Variants in CACNA2D3 observed in about 807,000 individuals in gnomAD.
CACNA2D3 encodes the protein voltage-dependent calcium channel subunit alpha-2/delta-3.
In CACNA2D3, 60 loss-of-function variants were observed where a neutral mutation model predicts 160.6. The ratio of observed to expected loss-of-function variants is 0.37; its 90% CI spans 0.30 to 0.46. The LOEUF is 0.46. CACNA2D3 is among the 20% of genes least tolerant of loss of function. The pLI is 1.00. For synonymous variants in CACNA2D3, 558 were observed against 492.9 expected, an observed-to-expected ratio of 1.13 and a Z score of -1.75; for missense variants, 1,205 against 1,365.0, an observed-to-expected ratio of 0.88 and a Z score of 1.85.
chr3:54,808,956 A>G (rs1340817543), intron 13 of CACNA2D3, among the ~76,000 whole-genome samples: 1 of 152,116 alleles, frequency 6.6e-6, no homozygotes, highest in African/African-American at 2.4e-5. Flanking sequence ...AAAACAGCAA[A>G]CTGTTATGGG....
intron 2 of CACNA2D3, among the ~76,000 whole-genome samples, chr3:54,174,099 C>T (rs1412643549): frequency 6.6e-6 from 1 of 152,178 alleles, no homozygotes; most frequent in African/African-American, 2.4e-5. Context: ...TGTAGCACGA[C>T]AGCAGCCAGA....
intron 13 of CACNA2D3, among the ~76,000 whole-genome samples, chr3:54,804,639 C>T (rs1482542963): frequency 1.3e-5 from 2 of 152,122 alleles, no homozygotes; most frequent in Non-Finnish European, 2.9e-5. Context: ...TTAGACAGAT[C>T]AACGAGACAG....
chr3:54,869,067 G>A (rs1699466817), intron 17 of CACNA2D3, among the ~76,000 whole-genome samples: 1 of 152,212 alleles, frequency 6.6e-6, no homozygotes, highest in African/African-American at 2.4e-5. Flanking sequence ...GATGTGAGTG[G>A]TGTGACACGG....
chr3:55,008,441 A>G (rs1033194914), intron 33 of CACNA2D3, among the ~76,000 whole-genome samples: 3 of 152,202 alleles, frequency 2.0e-5, no homozygotes, highest in Admixed American at 6.5e-5. Context: ...GAAGAATTAC[A>G]TAGATGAACA....
chr3:54,700,421 A>C (rs1700747202), intron 11 of CACNA2D3, among the ~76,000 whole-genome samples: 1 of 152,218 alleles, frequency 6.6e-6, no homozygotes, highest in African/African-American at 2.4e-5. Context: ...ATTAAACCAA[A>C]TTAAAAATTC....
At chr3:54,720,229 G>A (rs1701144405) in intron 11 of CACNA2D3, among the ~76,000 whole-genome samples, 1 of 151,830 alleles carries the variant, frequency 6.6e-6, no homozygotes. Context: ...TTGGTTTCCA[G>A]CCTTACTTTT....
intron 17 of CACNA2D3, among the ~76,000 whole-genome samples, chr3:54,857,551 G>T (rs2106794156): frequency 6.6e-6 from 1 of 152,262 alleles, no homozygotes; most frequent in Middle Eastern, 3.4e-3. Flanking sequence ...TGCCACAGTT[G>T]CCCGTAGTGG....
Position 54,371,824 on chromosome 3 carries a change from A to C in CACNA2D3, c.322-14891A>C, listed in dbSNP as rs1379642573. On this transcript the variant is annotated intron_variant, in intron 3 of 37. Coordinates refer to ENST00000474759, the MANE Select transcript of CACNA2D3 (RefSeq NM_018398.3). ...TGATATCTTCAATTTTGAAGTCAAG[A>C]AATCTCCAAAAGTTGAAAGGTTTTT... 5.3e-5 allele frequency among the ~76,000 whole-genome samples: 8 copies of C among 152,350 alleles called. No homozygotes were observed. In the East Asian group the frequency reaches 1.3e-3, roughly 26 times the overall value.
chr3:55,008,303 A>G (rs62256164), intron 33 of CACNA2D3, among the ~76,000 whole-genome samples: 3,196 of 152,270 alleles, frequency 0.021, 50 homozygotes, highest in Non-Finnish European at 0.033. Flanking sequence ...CTGTCAAACT[A>G]TGGTCTTGTT....
chr3:54,907,637 A>G (rs2106903093), intron 27 of CACNA2D3, among the ~76,000 whole-genome samples: 1 of 152,142 alleles, frequency 6.6e-6, no homozygotes, highest in African/African-American at 2.4e-5. Flanking sequence ...TTTTCTGAAA[A>G]CTTGCATATC....
In CACNA2D3 at chr3:54,919,194, C is replaced by T. The variant is rs113716368; in HGVS notation, c.2449+19326C>T. On this transcript the variant is annotated intron_variant, in intron 27 of 37. Transcript: ENST00000474759. ...CAATGCAAAAGCTGACAAGAAGGCACGCTGGGGGCCGATGGTGAGGGCACA... is the reference window on the plus strand; with the variant it reads ...CAATGCAAAAGCTGACAAGAAGGCATGCTGGGGGCCGATGGTGAGGGCACA... Among the ~76,000 whole-genome samples the T allele has an allele frequency of 2.9e-3, 449 of 152,332 alleles. 1 individual carries two copies. The highest frequency in any genetic ancestry group is 0.01 in the African/African-American group (435 of 41,582).
chr3:54,514,993 C>T (rs1381494568), intron 5 of CACNA2D3, among the ~76,000 whole-genome samples: 1 of 152,118 alleles, frequency 6.6e-6, no homozygotes, highest in Non-Finnish European at 1.5e-5. Context: ...CAGCTTTTCC[C>T]TAAGTTACTT....
intron 2 of CACNA2D3, among the ~76,000 whole-genome samples, chr3:54,298,555 T>C (rs1325982852): frequency 6.6e-6 from 1 of 152,218 alleles, no homozygotes; most frequent in African/African-American, 2.4e-5. Context: ...TCCCAGCATT[T>C]TGGGAGGCCG....
chr3:55,018,359 C>A, intron 35 of CACNA2D3, 42 bp downstream of exon 35: 1 of 1,255,812 alleles, frequency 8.0e-7, no homozygotes, highest in Non-Finnish European at 1.2e-6. Flanking sequence ...CACCTTTCTG[C>A]TCAGCACAGA....
At chr3:54,770,431 C>G (rs990623103) in intron 13 of CACNA2D3, among the ~76,000 whole-genome samples, 1 of 152,138 alleles carries the variant, frequency 6.6e-6, no homozygotes, top group Non-Finnish European at 1.5e-5. Flanking sequence ...GAAATAACTC[C>G]AAGAACAGTT....
At chr3:54,291,753 A>T (rs1220123188) in intron 2 of CACNA2D3, among the ~76,000 whole-genome samples, 1 of 152,198 alleles carries the variant, frequency 6.6e-6, no homozygotes, top group Non-Finnish European at 1.5e-5. Context: ...TCTGGTGGAC[A>T]TAGTTACTCT....
intron 13 of CACNA2D3, among the ~76,000 whole-genome samples, chr3:54,775,301 G>T (rs1196188786): frequency 1.3e-5 from 2 of 152,132 alleles, no homozygotes; most frequent in Non-Finnish European, 2.9e-5. Flanking sequence ...CATCAGCAGG[G>T]TATTAATTAT....
chr3:54,725,188 A>G (rs1003101704), intron 11 of CACNA2D3, among the ~76,000 whole-genome samples: 4 of 152,168 alleles, frequency 2.6e-5, no homozygotes, highest in African/African-American at 4.8e-5. Flanking sequence ...TTCTTGACAC[A>G]TATACCCTCC....
intron 3 of CACNA2D3, 120 bp downstream of exon 3, chr3:54,320,678 A>G (rs990958451): frequency 5.6e-6 from 3 of 539,292 alleles, no homozygotes; most frequent in African/African-American, 2.0e-5. Context: ...TTACGTAAAT[A>G]CTTTTATTTT....
Sources: gnomAD v4.1 joint callset for allele counts (sites outside exome capture counted in the v4.1 genomes callset) on GRCh38, gnomAD v4.1.1 for gene constraint, MANE v1.5 for transcripts, NCBI Gene and HGNC (gene_info 2026-07-23, HGNC 2026-07-21) for gene names.